The following MCC variants were observed in gnomAD, a reference collection of about 807,000 sequenced individuals.
MCC encodes the protein colorectal mutant cancer protein.
A neutral mutation model predicts 116.2 loss-of-function variants in MCC; 90 were observed. The ratio of observed to expected loss-of-function variants is 0.77; its 90% CI spans 0.65 to 0.92. The LOEUF is 0.92. Among genes scored for constraint, MCC ranks in the 40% least tolerant of loss-of-function variants. The pLI is 0.00. For synonymous variants in MCC, 578 were observed against 510.5 expected, an observed-to-expected ratio of 1.13 and a Z score of -1.78; for missense variants, 1,516 against 1,312.2, an observed-to-expected ratio of 1.16 and a Z score of -2.40.
chr5:113,232,218 T>C (rs913872385), intron 3 of MCC, among the ~76,000 whole-genome samples: 1 of 152,196 alleles, frequency 6.6e-6, no homozygotes, highest in Non-Finnish European at 1.5e-5. Flanking sequence ...CACAGTGAAG[T>C]AGGAAAACAA....
Position 113,053,725 on chromosome 5 carries a change from C to T in MCC, c.2448G>A (p.Lys816=), listed in dbSNP as rs1752633371. ...AVLMQELMAM[K]EEMAELKAQL... is the part of the protein sequence containing the mutation. ...CACATGGGACCCACCCACCACATAC[C>T]TTCATGGCCATGAGCTCCTGCATAA... is the stretch of plus-strand genomic sequence containing the variant. The change falls in exon 15 of 19, where the codon AAG becomes AAA. Residue 816 remains lysine (K), a splice_region_variant and synonymous_variant. Coordinates refer to ENST00000408903, the MANE Select transcript of MCC (RefSeq NM_001085377.2). The T allele has an allele frequency of 3.1e-6, 5 of 1,603,598 alleles. No individual in the cohort carries two copies. The Admixed American group carries it at 5.0e-5, about 16-fold the overall frequency.
chr5:113,480,892 A>G (rs1043535728), intron 1 of MCC, among the ~76,000 whole-genome samples: 4 of 152,060 alleles, frequency 2.6e-5, no homozygotes, highest in African/African-American at 7.3e-5. Context: ...CTCCCTCCTC[A>G]GCCTCCTGAG....
intron 1 of MCC, among the ~76,000 whole-genome samples, chr5:113,455,704 G>T (rs1250839415): frequency 6.6e-6 from 1 of 152,134 alleles, no homozygotes; most frequent in Non-Finnish European, 1.5e-5. Flanking sequence ...AATCAAACAT[G>T]TATAATGAAC....
At chr5:113,263,680 T>C (rs1283162485) in intron 3 of MCC, among the ~76,000 whole-genome samples, 1 of 152,216 alleles carries the variant, frequency 6.6e-6, no homozygotes, top group African/African-American at 2.4e-5. Context: ...ATTGCAGTAA[T>C]TTTATTGCAG....
rs1750261940 is a variant in MCC, at chr5:113,023,056, CTTG to C, written c.*4243_*4245del. The C allele has an allele frequency of 1.3e-5, 2 of 152,118 alleles. No individual in the cohort carries two copies. Among genetic ancestry groups the C allele is most frequent in the African/African-American group, 4.8e-5 (2 of 41,412 alleles). 9.4% of individuals were successfully genotyped at this position (152,118 alleles called of 1,614,324 possible). On this transcript the variant is annotated 3_prime_UTR_variant, in exon 19 of 19. Transcript: ENST00000408903. Reference sequence around the variant, plus strand: ...TATCAACTTGTATACTTTTTTTCCACTTGTTTATATTTTAACAGCCACTGAGAG... The same window carrying C: ...TATCAACTTGTATACTTTTTTTCCACTTTATATTTTAACAGCCACTGAGAG...
intron 11 of MCC, among the ~76,000 whole-genome samples, chr5:113,081,626 T>C (rs1754863236): frequency 6.6e-6 from 1 of 152,150 alleles, no homozygotes; most frequent in Non-Finnish European, 1.5e-5. Flanking sequence ...GCAAAGGGCA[T>C]ATCTGATTCA....
intron 8 of MCC, among the ~76,000 whole-genome samples, chr5:113,087,677 C>A (rs1755297981): frequency 6.6e-6 from 1 of 151,938 alleles, no homozygotes; most frequent in Non-Finnish European, 1.5e-5. Context: ...GAATAATTAA[C>A]AATGTTAACA....
chr5:113,078,396 G>C (rs1354223819), intron 11 of MCC, among the ~76,000 whole-genome samples: 1 of 152,212 alleles, frequency 6.6e-6, no homozygotes, highest in African/African-American at 2.4e-5. Context: ...GAACATTGAT[G>C]CAAAGACCTC....
At chr5:113,085,131 T>A in intron 9 of MCC, 33 bp downstream of exon 9, 1 of 1,613,506 alleles carries the variant, frequency 6.2e-7, no homozygotes, top group Non-Finnish European at 8.5e-7. Flanking sequence ...CAGGAGGTGT[T>A]CCCGCTCATC....
In MCC at chr5:113,318,478, C is replaced by T. The variant is rs1767342533; in HGVS notation, c.627+22041G>A. Among the ~76,000 whole-genome samples, 4 of 152,144 alleles carry T rather than the reference C, an allele frequency of 2.6e-5. No individual in the cohort carries two copies. In the South Asian group the frequency reaches 8.3e-4, roughly 32 times the overall value. ...ATGTTTATTTAAAATGGTACATATA[C>T]ACCATGGAATACTATGTAGCCATAA... On this transcript the variant is annotated intron_variant, in intron 3 of 18. Coordinates refer to ENST00000408903, the MANE Select transcript of MCC (RefSeq NM_001085377.2).
At chr5:113,158,208 G>A (rs1315378196) in intron 3 of MCC, among the ~76,000 whole-genome samples, 1 of 152,212 alleles carries the variant, frequency 6.6e-6, no homozygotes, top group East Asian at 1.9e-4. Flanking sequence ...GGTAAGGGGG[G>A]ACTACTGTAC....
intron 13 of MCC, among the ~76,000 whole-genome samples, chr5:113,066,918 G>T (rs764679057): frequency 3.4e-4 from 51 of 152,160 alleles, no homozygotes; most frequent in Non-Finnish European, 6.6e-4. Context: ...CTGTTTACTT[G>T]CTATTGCCTC....
intron 17 of MCC, among the ~76,000 whole-genome samples, chr5:113,039,100 GCACCATGCTCTGCTCCT>G (rs1379875881): frequency 6.6e-6 from 1 of 152,214 alleles, no homozygotes; most frequent in Non-Finnish European, 1.5e-5. Flanking sequence ...CTGTGAGGCA[GCACCATGCTCTGCTCCT>G]CACCATGGCT....
chr5:113,184,822 G>A (rs1026457583), intron 3 of MCC, among the ~76,000 whole-genome samples: 5 of 152,094 alleles, frequency 3.3e-5, no homozygotes, highest in Admixed American at 1.3e-4. Context: ...CTTCAACTTC[G>A]CATCTCCAAT....
At chr5:113,231,516 GTGATGTTT>G (rs141367263) in intron 3 of MCC, among the ~76,000 whole-genome samples, 2,715 of 152,260 alleles carry the variant, frequency 0.018, 94 homozygotes, top group African/African-American at 0.062. Context: ...CAGGACATGG[GTGATGTTT>G]CACCCATTAG....
At chr5:113,070,342 G>A (rs956630084) in intron 12 of MCC, among the ~76,000 whole-genome samples, 9 of 152,074 alleles carry the variant, frequency 5.9e-5, no homozygotes, top group Non-Finnish European at 1.3e-4. Flanking sequence ...GCATAGTTTT[G>A]CAGCTTTAAA....
At chr5:113,380,930 C>T (rs1299037541) in intron 2 of MCC, among the ~76,000 whole-genome samples, 5 of 152,178 alleles carry the variant, frequency 3.3e-5, no homozygotes, top group South Asian at 2.1e-4. Context: ...GTGGTGTGCA[C>T]CACATTGTGG....
chr5:113,085,351 T>C, intron 8 of MCC, 41 bp from the exon 9 acceptor site: 1 of 1,565,262 alleles, frequency 6.4e-7, no homozygotes, highest in South Asian at 1.2e-5. Flanking sequence ...GTGGTTTCCC[T>C]GGCTAAAGAG....
chr5:113,045,080 C>T (rs1435620449), intron 16 of MCC, among the ~76,000 whole-genome samples: 2 of 152,230 alleles, frequency 1.3e-5, no homozygotes, highest in Non-Finnish European at 2.9e-5. Context: ...CCTGTCCACC[C>T]TTGGAATCTG....
Sources: gnomAD v4.1 joint callset for allele counts (sites outside exome capture counted in the v4.1 genomes callset) on GRCh38, gnomAD v4.1.1 for gene constraint, MANE v1.5 for transcripts, NCBI Gene and HGNC (gene_info 2026-07-23, HGNC 2026-07-21) for gene names.